The following PKP4 variants were observed in gnomAD, a reference collection of about 807,000 sequenced individuals.
PKP4 encodes the protein plakophilin-4.
A neutral mutation model predicts 145.1 loss-of-function variants in PKP4; 90 were observed. The ratio of observed to expected loss-of-function variants is 0.62; its 90% CI spans 0.52 to 0.74. The LOEUF is 0.74. Among genes scored for constraint, PKP4 ranks in the 30% least tolerant of loss-of-function variants. PKP4 has a pLI of 0.00. For missense variants in PKP4, 1,340 were observed against 1,482.7 expected, an observed-to-expected ratio of 0.90 and a Z score of 1.58; for synonymous variants, 563 against 577.2, an observed-to-expected ratio of 0.98 and a Z score of 0.35.
intron 4 of PKP4, among the ~76,000 whole-genome samples, chr2:158,613,183 G>A (rs2051292440): frequency 6.6e-6 from 1 of 152,068 alleles, no homozygotes; most frequent in African/African-American, 2.4e-5. Context: ...GCGTCAGTGG[G>A]GTTTAACGAG....
In PKP4 at chr2:158,674,815, C is replaced by G. The variant is rs531755815; in HGVS notation, c.3127+815C>G. 2.0e-5 allele frequency among the ~76,000 whole-genome samples: 3 copies of G among 152,272 alleles called. No homozygotes were observed. The South Asian group carries it at 6.2e-4, about 32-fold the overall frequency. On this transcript the variant is annotated intron_variant, in intron 19 of 21. Transcript: ENST00000389759. Reference sequence around the variant, plus strand: ...TTTGGCTTTAAGTCACCCATTTGGACTTTTAAATATTATCTATTTTATTCA... The same window carrying G: ...TTTGGCTTTAAGTCACCCATTTGGAGTTTTAAATATTATCTATTTTATTCA...
intron 1 of PKP4, among the ~76,000 whole-genome samples, chr2:158,497,297 C>T (rs777899560): frequency 1.3e-4 from 19 of 148,692 alleles, no homozygotes; most frequent in Non-Finnish European, 2.6e-4. Context: ...TTCAGTGTTA[C>T]GCAGTATTTG....
intron 16 of PKP4, among the ~76,000 whole-genome samples, chr2:158,668,473 C>G (rs1434535252): frequency 6.6e-6 from 1 of 152,244 alleles, no homozygotes; most frequent in East Asian, 1.9e-4. Flanking sequence ...ACCCACCCTG[C>G]TGTCTGGAGC....
intron 2 of PKP4, among the ~76,000 whole-genome samples, chr2:158,565,435 C>CTTTTTTTTTTTTTTTTTTTTTTT (rs10690465): frequency 4.4e-5 from 6 of 135,758 alleles, no homozygotes; most frequent in Non-Finnish European, 6.2e-5. Flanking sequence ...TTCTTTTTTC[C>CTTTTTTTTTTTTTTTTTTTTTTT]TTTTTTTTTT....
intron 1 of PKP4, among the ~76,000 whole-genome samples, chr2:158,491,232 C>T (rs1427051813): frequency 6.6e-6 from 1 of 152,052 alleles, no homozygotes; most frequent in African/African-American, 2.4e-5. Context: ...GTGCGTGATC[C>T]CTTGGGACCT....
At chr2:158,545,156 G>A (rs1361968918) in intron 2 of PKP4, among the ~76,000 whole-genome samples, 4 of 134,656 alleles carry the variant, frequency 3.0e-5, no homozygotes, top group Non-Finnish European at 6.1e-5. Context: ...TGTTAGCTCA[G>A]GAGGAAGCCT....
Position 158,620,973 on chromosome 2 carries a change from A to G in PKP4, c.281-17A>G. 2 of 1,611,454 alleles carry G rather than the reference A, an allele frequency of 1.2e-6. No homozygotes were observed. The highest frequency in any genetic ancestry group is 2.2e-5 in the South Asian group (2 of 90,554). ...TAATGTTATTATATTTAGCTGATTA[A>G]ACTTTTCTTGTTACAGACGTGCCAA... is the stretch of plus-strand genomic sequence containing the variant. On this transcript the variant is annotated splice_polypyrimidine_tract_variant and intron_variant, in intron 4 of 21. Coordinates refer to ENST00000389759, the MANE Select transcript of PKP4 (RefSeq NM_003628.6).
intron 4 of PKP4, among the ~76,000 whole-genome samples, chr2:158,608,808 CT>C (rs66933766): frequency 0.1 from 8,808 of 86,026 alleles, 233 homozygotes; most frequent in African/African-American, 0.24. Flanking sequence ...TCTTTTCTTT[CT>C]TTTTTTTTTT....
chr2:158,673,546 C>G, intron 17 of PKP4, 131 bp from the exon 18 acceptor site: 1 of 703,882 alleles, frequency 1.4e-6, no homozygotes, highest in South Asian at 1.6e-5. Flanking sequence ...TGTGGTGTGT[C>G]CTGCAGTAGC....
chr2:158,614,033 T>C (rs2051368574), intron 4 of PKP4, among the ~76,000 whole-genome samples: 1 of 152,184 alleles, frequency 6.6e-6, no homozygotes, highest in South Asian at 2.1e-4. Context: ...TATTTCAGCT[T>C]GACGAGTACA....
chr2:158,504,893 G>T (rs538506047), intron 1 of PKP4, among the ~76,000 whole-genome samples: 1 of 152,126 alleles, frequency 6.6e-6, no homozygotes, highest in African/African-American at 2.4e-5. Flanking sequence ...GTGATGTTTT[G>T]TCTGTTTTTG....
Position 158,598,111 on chromosome 2 carries a change from G to A in PKP4, c.246-4959G>A, listed in dbSNP as rs572491456. On this transcript the variant is annotated intron_variant, in intron 3 of 21. Coordinates refer to ENST00000389759, the MANE Select transcript of PKP4 (RefSeq NM_003628.6). ...GAGTGGTGGATTATAGGCGTGAGCC[G>A]CTGTGTCAAGCCTGATTTTTTTAAA... Among the ~76,000 whole-genome samples the A allele has an allele frequency of 1.4e-3, 212 of 152,186 alleles. 1 individual carries two copies. Among genetic ancestry groups the A allele is most frequent in the African/African-American group, 4.6e-3 (193 of 41,532 alleles).
chr2:158,602,022 T>G (rs918830848), intron 3 of PKP4, among the ~76,000 whole-genome samples: 5 of 152,220 alleles, frequency 3.3e-5, no homozygotes, highest in Non-Finnish European at 7.3e-5. Flanking sequence ...ATGTCCTTTT[T>G]CTGGTTTTTT....
chr2:158,608,080 A>T (rs1307397030), intron 4 of PKP4, among the ~76,000 whole-genome samples: 1 of 152,250 alleles, frequency 6.6e-6, no homozygotes, highest in Non-Finnish European at 1.5e-5. Context: ...AACGCAAAGG[A>T]TAAATGCTTA....
intron 1 of PKP4, among the ~76,000 whole-genome samples, chr2:158,479,508 A>G (rs1693022253): frequency 2.0e-5 from 3 of 152,108 alleles, no homozygotes; most frequent in Admixed American, 2.0e-4. Flanking sequence ...ACAGGCGTGA[A>G]CCACTGCCCA....
chr2:158,570,880 A>T (rs954555392), intron 2 of PKP4, among the ~76,000 whole-genome samples: 9 of 152,218 alleles, frequency 5.9e-5, no homozygotes, highest in Non-Finnish European at 7.3e-5. Flanking sequence ...GAGACTGAGG[A>T]GTCCTATAAT....
intron 4 of PKP4, among the ~76,000 whole-genome samples, chr2:158,604,128 A>G (rs1375678315): frequency 1.3e-5 from 2 of 152,230 alleles, no homozygotes; most frequent in African/African-American, 4.8e-5. Flanking sequence ...ACTGCCAAGT[A>G]AGTATTATGT....
At chr2:158,590,035 T>A (rs2105815771) in intron 3 of PKP4, among the ~76,000 whole-genome samples, 1 of 152,264 alleles carries the variant, frequency 6.6e-6, no homozygotes, top group Middle Eastern at 3.4e-3. Flanking sequence ...CTTTATATTG[T>A]CTGAATTGTT....
At chr2:158,505,434 G>A (rs1454379595) in intron 1 of PKP4, among the ~76,000 whole-genome samples, 1 of 152,058 alleles carries the variant, frequency 6.6e-6, no homozygotes. Context: ...GAAATCGGGA[G>A]ATTGAACCCT....
Sources: allele counts gnomAD v4.1 joint callset (sites outside exome capture counted in the v4.1 genomes callset), GRCh38; gene constraint gnomAD v4.1.1; transcripts MANE v1.5; gene names NCBI Gene and HGNC (gene_info 2026-07-23, HGNC 2026-07-21).